The following PLCB4 variants were observed in gnomAD, a reference collection of about 807,000 sequenced individuals.
PLCB4 encodes the protein 1-phosphatidylinositol 4,5-bisphosphate phosphodiesterase beta-4.
In PLCB4, 77 loss-of-function variants were observed where a neutral mutation model predicts 178.8. That is an observed-to-expected ratio of 0.43 (90% CI 0.36 to 0.52). PLCB4 has a LOEUF of 0.52. PLCB4 is among the 20% of genes least tolerant of loss of function. The probability of loss-of-function intolerance (pLI) is 0.00; values close to 1 mark genes in which losing one functional copy is unlikely to be tolerated. For missense variants in PLCB4, 1,024 were observed against 1,453.4 expected, an observed-to-expected ratio of 0.70 and a Z score of 4.80; for synonymous variants, 496 against 490.8, an observed-to-expected ratio of 1.01 and a Z score of -0.14.
At chr20:9,287,463 A>G (rs1256473514) in intron 3 of PLCB4, among the ~76,000 whole-genome samples, 5 of 152,094 alleles carry the variant, frequency 3.3e-5, no homozygotes, top group African/African-American at 1.2e-4. Flanking sequence ...CTGTTTTGAT[A>G]AGCTCCCTCA....
intron 3 of PLCB4, among the ~76,000 whole-genome samples, chr20:9,236,096 C>A (rs1404960119): frequency 1.3e-5 from 2 of 152,162 alleles, no homozygotes; most frequent in African/African-American, 4.8e-5. Context: ...CCATGGTCAC[C>A]ATCCCTTCCC....
At chr20:9,340,200 G>A (rs59453557) in intron 7 of PLCB4, among the ~76,000 whole-genome samples, 10,131 of 152,186 alleles carry the variant, frequency 0.067, 359 homozygotes, top group Middle Eastern at 0.095. Context: ...GATCATTTGA[G>A]GACACTGAGA....
At chr20:9,202,881 C>G (rs1308509728) in intron 2 of PLCB4, among the ~76,000 whole-genome samples, 1 of 151,808 alleles carries the variant, frequency 6.6e-6, no homozygotes, top group Non-Finnish European at 1.5e-5. Flanking sequence ...CTGACATCAG[C>G]AGCTGTGTTC....
At chr20:9,320,058 G>A (rs1171055387) in intron 4 of PLCB4, among the ~76,000 whole-genome samples, 1 of 152,144 alleles carries the variant, frequency 6.6e-6, no homozygotes. Flanking sequence ...AGTGCACAGA[G>A]TAAAGTGAAA....
At chr20:9,432,126 T>C (rs2041460561) in intron 28 of PLCB4, among the ~76,000 whole-genome samples, 1 of 152,190 alleles carries the variant, frequency 6.6e-6, no homozygotes, top group South Asian at 2.1e-4. Flanking sequence ...TATGCCGATA[T>C]AATATATGCA....
intron 35 of PLCB4, among the ~76,000 whole-genome samples, chr20:9,467,973 C>A (rs753075653): frequency 6.6e-6 from 1 of 152,120 alleles, no homozygotes; most frequent in East Asian, 1.9e-4. Flanking sequence ...ACCTGCAAAC[C>A]TACTTTTTTG....
intron 39 of PLCB4, 35 bp downstream of exon 39, chr20:9,476,788 T>A: frequency 6.7e-7 from 1 of 1,485,666 alleles, no homozygotes; most frequent in Non-Finnish European, 9.4e-7. Context: ...AGACGTTGCT[T>A]TCCTTCTCGA....
chr20:9,337,298 C>G, intron 5 of PLCB4, 92 bp downstream of exon 5: 1 of 841,624 alleles, frequency 1.2e-6, no homozygotes, highest in Non-Finnish European at 2.1e-6. Context: ...TTGATGAACC[C>G]TACCCTTATT....
At chr20:9,198,418 G>A (rs1430855467) in intron 2 of PLCB4, among the ~76,000 whole-genome samples, 3 of 152,186 alleles carry the variant, frequency 2.0e-5, no homozygotes, top group African/African-American at 7.2e-5. Context: ...ACAATTACTG[G>A]TTCTGTTTCT....
chr20:9,300,995 C>T (rs2094695782), intron 3 of PLCB4, among the ~76,000 whole-genome samples: 1 of 151,856 alleles, frequency 6.6e-6, no homozygotes, highest in African/African-American at 2.4e-5. Context: ...GAACCCATTC[C>T]TGGCCTATTT....
intron 30 of PLCB4, among the ~76,000 whole-genome samples, chr20:9,438,365 T>TA (rs778937148): frequency 0.031 from 3,661 of 119,940 alleles, 121 homozygotes; most frequent in African/African-American, 0.094. Flanking sequence ...GACTATATCT[T>TA]AAAAAAAAAA....
intron 7 of PLCB4, among the ~76,000 whole-genome samples, chr20:9,348,779 G>C (rs1037144371): frequency 6.6e-6 from 1 of 152,202 alleles, no homozygotes; most frequent in Non-Finnish European, 1.5e-5. Context: ...GCTGAAGCTA[G>C]AGGATATTTG....
chr20:9,099,118 C>G (rs2091044124), intron 2 of PLCB4, among the ~76,000 whole-genome samples: 1 of 151,978 alleles, frequency 6.6e-6, no homozygotes, highest in Middle Eastern at 3.4e-3. Context: ...TTATAAATGG[C>G]TAACAATTCA....
At chr20:9,310,669 G>GC (rs988191458) in intron 4 of PLCB4, among the ~76,000 whole-genome samples, 3 of 152,006 alleles carry the variant, frequency 2.0e-5, no homozygotes, top group African/African-American at 7.2e-5. Flanking sequence ...CCAAGATCAC[G>GC]CCCCCACACA....
chr20:9,404,472 G>C (rs115950963), intron 20 of PLCB4, among the ~76,000 whole-genome samples: 2,897 of 152,082 alleles, frequency 0.019, 104 homozygotes, highest in African/African-American at 0.066. Flanking sequence ...AGGCGCCATG[G>C]TACGCGCCTG....
intron 29 of PLCB4, among the ~76,000 whole-genome samples, chr20:9,436,783 T>C (rs1252976848): frequency 6.6e-6 from 1 of 152,360 alleles, no homozygotes; most frequent in African/African-American, 2.4e-5. Context: ...CAGTTTGGAA[T>C]GGATGTAGCA....
Position 9,074,827 on chromosome 20 carries a change from A to ATT in PLCB4, c.-135+5621_-135+5622insTT, listed in dbSNP as rs1568699904. ...TTTTTTAAACAAAACAAAACAAAAC[A>ATT]AAACAAAACAAAACAAAACAAAACA... On this transcript the variant is annotated intron_variant, in intron 1 of 39. Coordinates refer to ENST00000378473, the MANE Select transcript of PLCB4 (RefSeq NM_001377142.1). Among the ~76,000 whole-genome samples, 17 of 36,852 alleles carry ATT rather than the reference A, an allele frequency of 4.6e-4. 1 individual carries two copies. Among genetic ancestry groups the ATT allele is most frequent in the South Asian group, 2.0e-3 (2 of 1,012 alleles). The allele number at this position is 36,852 out of a possible 152,430, so 24.2% of individuals were successfully genotyped here. A position where few individuals can be genotyped will look rare whatever the true frequency, so the allele number is the denominator to read the frequency against.
intron 32 of PLCB4, among the ~76,000 whole-genome samples, chr20:9,445,676 G>A (rs1483378286): frequency 6.6e-6 from 1 of 152,168 alleles, no homozygotes; most frequent in Non-Finnish European, 1.5e-5. Flanking sequence ...TAAGTTTCAT[G>A]AATAATTCCA....
At chr20:9,383,461 T>C (rs780129709) in intron 13 of PLCB4, among the ~76,000 whole-genome samples, 3 of 152,180 alleles carry the variant, frequency 2.0e-5, no homozygotes, top group African/African-American at 2.4e-5. Flanking sequence ...AAACAAAAAC[T>C]TGAAGCTGTC....
Sources: gnomAD v4.1 joint callset for allele counts (sites outside exome capture counted in the v4.1 genomes callset) on GRCh38, gnomAD v4.1.1 for gene constraint, MANE v1.5 for transcripts, NCBI Gene and HGNC (gene_info 2026-07-23, HGNC 2026-07-21) for gene names.